ADAT3: variants seen among roughly 807,000 people sequenced by gnomAD.
The protein encoded by ADAT3 is adenosine deaminase tRNA specific 3, also known as tRNA-specific adenosine-34 deaminase regulatory subunit ADAT3.
In ADAT3, 2 loss-of-function variants were observed where a neutral mutation model predicts 3.5. The ratio of observed to expected loss-of-function variants is 0.57; its 90% CI spans 0.23 to 1.79. The LOEUF is 1.79. Among genes scored for constraint, ADAT3 ranks in the 40% most tolerant of loss-of-function variants. The pLI is 0.18. For synonymous variants in ADAT3, 358 were observed against 270.3 expected (o/e 1.32, Z -3.18); for missense variants, 735 against 571.4 (o/e 1.29, Z -2.92).
intron 1 of ADAT3, among the ~76,000 whole-genome samples, chr19:1,907,744 G>A (rs2013210034): frequency 1.3e-5 from 2 of 152,158 alleles, no homozygotes; most frequent in Non-Finnish European, 2.9e-5. Context: ...CTGCCCTCCT[G>A]AGGGGTCCCA....
chr19:1,911,807 AAAG>A (rs2013464484), intron 1 of ADAT3, 80 bp from the exon 2 acceptor site: 3 of 421,752 alleles, frequency 7.1e-6, no homozygotes, highest in Admixed American at 4.4e-5. Context: ...AATAAAAAAA[AAAG>A]AAAATGATCT....
At position 1,913,425 on chromosome 19, in the gene ADAT3, GA is replaced by G; in HGVS notation, c.*278del. On this transcript the variant is annotated 3_prime_UTR_variant, in exon 2 of 2. Transcript: ENST00000329478. ...GCGGGCCGGGAAACTGCTCTGATGG[GA>G]AAATAAACAGCCCAAAACCAAGTGG... The G allele has an allele frequency of 1.8e-6, 1 of 567,870 alleles. No individual in the cohort carries two copies. 35.2% of individuals were successfully genotyped at this position (567,870 alleles called of 1,614,324 possible).
At position 1,912,416 on chromosome 19, in the gene ADAT3, T is replaced by C; in HGVS notation, c.369T>C (p.Ala123=). 1 of 1,513,318 alleles carries C rather than the reference T, an allele frequency of 6.6e-7. No individual in the cohort carries two copies. The highest frequency in any genetic ancestry group is 8.8e-7 in the Non-Finnish European group (1 of 1,138,090). 93.7% of individuals were successfully genotyped at this position (1,513,318 alleles called of 1,614,324 possible). The change falls in exon 2 of 2, where the codon GCT becomes GCC. Residue 123 remains alanine, a synonymous_variant. Transcript: ENST00000329478. ...CGGCCTCGGGCCCGCGCTCGCTGGC[T>C]GAGCTCCTGCCACGGCCGGCTGTGG... ...AGPASGPRSL[A]ELLPRPAVDP...
chr19:1,913,043 C>T lies in ADAT3; in HGVS notation c.996C>T (p.Ala332=), dbSNP rs1279946653. The T allele has an allele frequency of 1.2e-6, 2 of 1,603,694 alleles. No individual in the cohort carries two copies. Among genetic ancestry groups the T allele is most frequent in the East Asian group, 2.2e-5 (1 of 44,842 alleles). The part of the protein sequence containing the change: ...VFYGAPSPDG[A]LGTRFRIHAR... ...ACGGTGCGCCCTCGCCCGACGGCGC[C>T]CTGGGCACCCGCTTCCGCATCCACG... Residue 332 remains alanine, a synonymous_variant, in exon 2 of 2, where the codon GCC becomes GCT. Transcript: ENST00000329478.
In ADAT3 at chr19:1,912,104, C is replaced by G; in HGVS notation, c.57C>G (p.Pro19=). Residue 19 remains proline (P), a synonymous_variant, in exon 2 of 2, where the codon CCC becomes CCG. Coordinates refer to ENST00000329478, the MANE Select transcript of ADAT3 (RefSeq NM_138422.4). ...LPQSASLRME[P]APGLVEQPKC... is the part of the protein sequence containing the mutation. ...AGTCGGCCTCGCTGAGGATGGAGCC[C>G]GCCCCGGGCCTCGTGGAGCAGCCCA... 1.3e-6 allele frequency: 2 copies of G among 1,509,250 alleles called. No homozygotes were observed. The highest frequency in any genetic ancestry group is 1.8e-6 in the Non-Finnish European group (2 of 1,134,376). 93.5% of individuals were successfully genotyped at this position (1,509,250 alleles called of 1,614,324 possible). A position where few individuals can be genotyped will look rare whatever the true frequency, so the allele number is the denominator to read the frequency against.
At chr19:1,907,883 T>C (rs2145423485) in intron 1 of ADAT3, 1 of 152,564 alleles carries the variant, frequency 6.6e-6, no homozygotes, top group East Asian at 1.9e-4. Flanking sequence ...GGAGGTGCTC[T>C]GGCAGTTGAG....
Position 1,912,751 on chromosome 19 carries a change from AC to A in ADAT3, c.709del (p.Leu237SerfsTer66). 1 of 1,549,646 alleles carries A rather than the reference AC, an allele frequency of 6.5e-7. No homozygotes were observed. On this transcript the variant is annotated frameshift_variant, in exon 2 of 2. Coordinates refer to ENST00000329478, the MANE Select transcript of ADAT3 (RefSeq NM_138422.4). LOFTEE classifies it low-confidence loss of function (END_TRUNC). Reference protein sequence around the residue: ...ATGHDCSCADNPLLHAVMVCV... With the variant: ...ATGHDCSCADXPLLHAVMVCV... ...GGCCACGACTGCAGCTGCGCGGACA[AC>A]CCCCTCCTGCACGCCGTCATGGTGT...
rs2013259843 is a variant in ADAT3 at position 1,908,484 on chromosome 19, C to G, written c.-159+3045C>G. 2.1e-6 allele frequency: 1 copy of G among 470,928 alleles called. No individual in the cohort carries two copies. Among genetic ancestry groups the G allele is most frequent in the Non-Finnish European group, 4.4e-6 (1 of 227,028 alleles). 29.2% of individuals were successfully genotyped at this position (470,928 alleles called of 1,614,324 possible). A position where few individuals can be genotyped will look rare whatever the true frequency, so the allele number is the denominator to read the frequency against. ...AAATGATCCAGAGACACATCCCTGTCTGCGGGAGGAGCCGTCCATACCAGC... is the reference window on the plus strand; with the variant it reads ...AAATGATCCAGAGACACATCCCTGTGTGCGGGAGGAGCCGTCCATACCAGC... On this transcript the variant is annotated intron_variant, in intron 1 of 1. Transcript: ENST00000329478. The surrounding 1 kb of genome is among the most constrained non-coding windows in gnomAD (Gnocchi z 4.2).
In ADAT3 at chr19:1,913,074, C is replaced by A; in HGVS notation, c.1027C>A (p.Pro343Thr). The A allele has an allele frequency of 6.2e-7, 1 of 1,601,772 alleles. No homozygotes were observed. Residue 343 changes from proline (P) to threonine (T), a missense_variant, in exon 2 of 2, where the codon CCC (proline) becomes ACC (threonine). Pro to Thr is a conservative substitution (Grantham distance 38, BLOSUM62 -1). Coordinates refer to ENST00000329478, the MANE Select transcript of ADAT3 (RefSeq NM_138422.4). The stretch of plus-strand genomic sequence containing the variant: ...CACCCGCTTCCGCATCCACGCACGG[C>A]CCGACCTCAACCACCGCTTCCAGGT... The part of the protein sequence containing the change: ...LGTRFRIHAR[P>T]DLNHRFQVFR...
chr19:1,908,934 G>A lies in ADAT3; in HGVS notation c.-158-2956G>A, dbSNP rs1405028714. Among the ~76,000 whole-genome samples the A allele has an allele frequency of 1.3e-5, 2 of 152,016 alleles. No individual in the cohort carries two copies. Among genetic ancestry groups the A allele is most frequent in the South Asian group, 2.1e-4 (1 of 4,828 alleles). The stretch of plus-strand genomic sequence containing the variant: ...AGCCTGGCCAACATGGTGGAACCCC[G>A]TCTCTACTGAAAATACAAAAATTAG... On this transcript the variant is annotated intron_variant, in intron 1 of 1. Coordinates refer to ENST00000329478, the MANE Select transcript of ADAT3 (RefSeq NM_138422.4). The surrounding 1 kb of genome is among the most constrained non-coding windows in gnomAD (Gnocchi z 4.2).
Position 1,912,807 on chromosome 19 carries a change from C to A in ADAT3, c.760C>A (p.Arg254Ser). Residue 254 changes from arginine (R) to serine (S), a missense_variant, in exon 2 of 2, where the codon CGC (arginine) becomes AGC (serine). Physicochemically the swap from Arg to Ser is moderately radical, Grantham distance 110 (BLOSUM62 -1). Transcript: ENST00000329478. The part of the protein sequence containing the change: ...CVDLVARGQG[R>S]GTYDFRPFPA... ...GGACCTCGTGGCGCGCGGCCAGGGCCGCGGCACCTACGACTTCAGACCCTT... is the reference window on the plus strand; with the variant it reads ...GGACCTCGTGGCGCGCGGCCAGGGCAGCGGCACCTACGACTTCAGACCCTT... 6.3e-7 allele frequency: 1 copy of A among 1,580,290 alleles called. No homozygotes were observed.
Position 1,905,441 on chromosome 19 carries a change from T to C in ADAT3, c.-159+2T>C. The C allele has an allele frequency of 2.2e-6, 1 of 461,200 alleles. No homozygotes were observed. 28.6% of individuals were successfully genotyped at this position (461,200 alleles called of 1,614,324 possible). On this transcript the variant is annotated splice_donor_variant, in intron 1 of 1. Coordinates refer to ENST00000329478, the MANE Select transcript of ADAT3 (RefSeq NM_138422.4). LOFTEE classifies it low-confidence loss of function (5UTR_SPLICE). ...TGCGCTCGCGCCCGGATCCCTCAGG[T>C]AAGCGCGCGGCCCCGAGGTCTCGGG...
intron 1 of ADAT3, among the ~76,000 whole-genome samples, chr19:1,909,352 C>T (rs1011947403): frequency 6.6e-6 from 1 of 152,200 alleles, no homozygotes; most frequent in Admixed American, 6.5e-5. Context: ...GCTGTCTGCC[C>T]GCCTAGGGCA....
Position 1,912,866 on chromosome 19 carries a change from C to G in ADAT3, c.819C>G (p.Pro273=). 2.5e-6 allele frequency: 4 copies of G among 1,600,568 alleles called. No individual in the cohort carries two copies. The highest frequency in any genetic ancestry group is 3.4e-6 in the Non-Finnish European group (4 of 1,177,852). The change falls in exon 2 of 2, where the codon CCC becomes CCG. Residue 273 remains proline (P), a synonymous_variant. Coordinates refer to ENST00000329478, the MANE Select transcript of ADAT3 (RefSeq NM_138422.4). ...PACSFAPAAA[P]QAVRAGAVRK... is the part of the protein sequence containing the mutation. ...GCTCCTTCGCCCCGGCCGCTGCCCC[C>G]CAGGCCGTCCGCGCAGGCGCCGTGC...
intron 1 of ADAT3, among the ~76,000 whole-genome samples, chr19:1,911,297 G>C (rs146194023): frequency 1.3e-5 from 2 of 151,778 alleles, no homozygotes; most frequent in African/African-American, 4.8e-5. Context: ...TCAGCTTCTC[G>C]AGTAGCTGAA....
In ADAT3 at chr19:1,912,267, C is replaced by T. The variant is rs973115501; in HGVS notation, c.220C>T (p.Arg74Cys). The T allele has an allele frequency of 1.9e-6, 3 of 1,593,340 alleles. No homozygotes were observed. The highest frequency in any genetic ancestry group is 4.6e-5 in the East Asian group (2 of 43,606). ...APVLDKRQTSRLLKEVSALHP... is the reference protein window; with the variant it reads ...APVLDKRQTSCLLKEVSALHP... ...CGTCCTGGACAAGCGCCAGACCTCACGCCTCCTGAAGGAGGTGTCGGCCCT... is the reference window on the plus strand; with the variant it reads ...CGTCCTGGACAAGCGCCAGACCTCATGCCTCCTGAAGGAGGTGTCGGCCCT... Residue 74 changes from arginine (R) to cysteine (C), a missense_variant, in exon 2 of 2, where the codon CGC becomes TGC. Physicochemically the swap from Arg to Cys is radical, Grantham distance 180. Coordinates refer to ENST00000329478, the MANE Select transcript of ADAT3 (RefSeq NM_138422.4).
intron 1 of ADAT3, chr19:1,906,209 A>C (rs1262186581): frequency 6.6e-6 from 1 of 151,988 alleles, no homozygotes; most frequent in African/African-American, 2.4e-5. Context: ...AAAATACAAA[A>C]ATTAGCTGGG....
At chr19:1,911,804 A>AAAAT (rs1568763275) in intron 1 of ADAT3, 86 bp from the exon 2 acceptor site, 2 of 402,674 alleles carry the variant, frequency 5.0e-6, no homozygotes, top group Non-Finnish European at 8.7e-6. Context: ...TAAAATAAAA[A>AAAAT]AAAAAGAAAA....
chr19:1,911,888 A>AGG lies in ADAT3; in HGVS notation c.-157_-156dup. On this transcript the variant is annotated splice_acceptor_variant, in intron 1 of 1. Transcript: ENST00000329478. LOFTEE classifies it low-confidence loss of function (5UTR_SPLICE). ...TGGCTGTTTAAACTCTGTGCACACC[A>AGG]GGGGTTAGCAGGACATGAGGGAGTG... 1.2e-6 allele frequency: 1 copy of AGG among 849,800 alleles called. No individual in the cohort carries two copies. Among genetic ancestry groups the AGG allele is most frequent in the Non-Finnish European group, 1.7e-6 (1 of 605,576 alleles). The allele number at this position is 849,800 out of a possible 1,614,324, so 52.6% of individuals were successfully genotyped here.
Sources: gnomAD v4.1 joint callset for allele counts (sites outside exome capture counted in the v4.1 genomes callset) on GRCh38, gnomAD v4.1.1 for gene constraint, Gnocchi (gnomAD v3.1) non-coding constraint, MANE v1.5 for transcripts, NCBI Gene and HGNC (gene_info 2026-07-23, HGNC 2026-07-21) for gene names.